The following TMEM273 variants were observed in gnomAD, a reference collection of about 807,000 sequenced individuals.
TMEM273 encodes the protein chromosome 10 open reading frame 128.
TMEM273 carries 19 observed loss-of-function variants against 17.9 expected under a neutral mutation model. The ratio of observed to expected loss-of-function variants is 1.06; its 90% CI spans 0.74 to 1.55. The LOEUF (loss-of-function observed/expected upper bound fraction) is 1.55. Ranked by LOEUF, TMEM273 falls within the 40% of genes most tolerant of loss-of-function variation. TMEM273 has a pLI of 0.00. For synonymous variants in TMEM273, 66 were observed against 62.0 expected, an observed-to-expected ratio of 1.07 and a Z score of -0.31; for missense variants, 194 against 155.6, an observed-to-expected ratio of 1.25 and a Z score of -1.31.
At chr10:49,164,595 T>C (rs1040828953) in intron 5 of TMEM273, among the ~76,000 whole-genome samples, 9 of 152,168 alleles carry the variant, frequency 5.9e-5, no homozygotes, top group Non-Finnish European at 1.3e-4. Context: ...AAACTACCTA[T>C]CTCTCCAGCG....
intron 1 of TMEM273, among the ~76,000 whole-genome samples, chr10:49,186,262 G>A (rs1035590020): frequency 2.6e-5 from 4 of 152,162 alleles, no homozygotes; most frequent in African/African-American, 9.7e-5. Flanking sequence ...ATTGGATATT[G>A]TTGGAAATAC....
At chr10:49,184,403 T>C (rs193262646) in intron 1 of TMEM273, among the ~76,000 whole-genome samples, 5 of 152,192 alleles carry the variant, frequency 3.3e-5, no homozygotes, top group South Asian at 2.1e-4. Flanking sequence ...TTGGAACACA[T>C]GAAACATACA....
At chr10:49,167,802 T>C in intron 2 of TMEM273, 107 bp downstream of exon 2, 1 of 1,443,898 alleles carries the variant, frequency 6.9e-7, no homozygotes, top group Non-Finnish European at 9.7e-7. Context: ...TTTCCTATGC[T>C]GACAGCAGGG....
chr10:49,186,167 C>G (rs768433004), intron 1 of TMEM273, among the ~76,000 whole-genome samples: 3 of 151,400 alleles, frequency 2.0e-5, no homozygotes, highest in African/African-American at 7.3e-5. Flanking sequence ...AATATTACTA[C>G]GGAACTCTAA....
chr10:49,171,204 C>T (rs908957935), intron 1 of TMEM273, among the ~76,000 whole-genome samples: 1 of 152,188 alleles, frequency 6.6e-6, no homozygotes, highest in Admixed American at 6.5e-5. Flanking sequence ...TTGCTGAGGC[C>T]ATAATAGGCA....
At position 49,168,599 on chromosome 10, in the gene TMEM273, G is replaced by A. The variant is rs1846345936; in HGVS notation, c.44-637C>T. 3.3e-5 allele frequency among the ~76,000 whole-genome samples: 5 copies of A among 151,532 alleles called. No individual in the cohort carries two copies. In the South Asian group the frequency reaches 1.0e-3, roughly 32 times the overall value. On this transcript the variant is annotated intron_variant, in intron 1 of 6. Coordinates refer to ENST00000374153, the MANE Select transcript of TMEM273 (RefSeq NM_001288740.3). ...CTCGCTCTGGGCTGCGTGGTATAGT[G>A]TCCAGCATTTGATGCAGTGCTTGGC...
chr10:49,155,701 G>A lies in TMEM273; in HGVS notation c.*191C>T. The A allele has an allele frequency of 4.1e-6, 3 of 730,042 alleles. No individual in the cohort carries two copies. The highest frequency in any genetic ancestry group is 6.7e-6 in the Non-Finnish European group (3 of 445,992). The allele number at this position is 730,042 out of a possible 1,614,324, so 45.2% of individuals were successfully genotyped here. On this transcript the variant is annotated 3_prime_UTR_variant, in exon 7 of 7. Transcript: ENST00000374153. Reference sequence around the variant, plus strand: ...TGTGCAGTCCGTTTCTTCCAGAAGAGGCATGATATTTTCCTTCAGGACAGA... The same window carrying A: ...TGTGCAGTCCGTTTCTTCCAGAAGAAGCATGATATTTTCCTTCAGGACAGA...
chr10:49,163,681 G>C (rs1002102191), intron 5 of TMEM273, among the ~76,000 whole-genome samples: 1 of 152,162 alleles, frequency 6.6e-6, no homozygotes, highest in African/African-American at 2.4e-5. Flanking sequence ...GGGGTGGGGG[G>C]ATGACATGGG....
At chr10:49,173,493 C>T (rs376447917) in intron 1 of TMEM273, among the ~76,000 whole-genome samples, 13 of 152,300 alleles carry the variant, frequency 8.5e-5, no homozygotes, top group East Asian at 1.9e-4. Context: ...GCTTTTCCCT[C>T]GTCCCTGTGG....
At position 49,155,829 on chromosome 10, in the gene TMEM273, GTT is replaced by G; in HGVS notation, c.*61_*62del. The G allele has an allele frequency of 6.2e-7, 1 of 1,613,594 alleles. No individual in the cohort carries two copies. On this transcript the variant is annotated 3_prime_UTR_variant, in exon 7 of 7. Transcript: ENST00000374153. ...GTTTGAATGCAGAACATCCTGAGATGTTAACCATGGGCTGTTTTCCACGGGGC... is the reference window on the plus strand; with the variant it reads ...GTTTGAATGCAGAACATCCTGAGATGAACCATGGGCTGTTTTCCACGGGGC...
At chr10:49,158,266 T>C (rs932335628) in intron 6 of TMEM273, among the ~76,000 whole-genome samples, 1 of 152,044 alleles carries the variant, frequency 6.6e-6, no homozygotes, top group Non-Finnish European at 1.5e-5. Flanking sequence ...TATGTAAATA[T>C]AATGCAACCC....
chr10:49,186,390 T>C (rs1031292033), intron 1 of TMEM273, among the ~76,000 whole-genome samples: 4 of 152,240 alleles, frequency 2.6e-5, no homozygotes, highest in Admixed American at 1.3e-4. Context: ...TTTTACCATA[T>C]TATTTCATCA....
Position 49,155,808 on chromosome 10 carries a change from G to C in TMEM273, c.*84C>G. The C allele has an allele frequency of 6.2e-7, 1 of 1,606,912 alleles. No homozygotes were observed. Among genetic ancestry groups the C allele is most frequent in the South Asian group, 1.1e-5 (1 of 90,302 alleles). On this transcript the variant is annotated 3_prime_UTR_variant, in exon 7 of 7. Transcript: ENST00000374153. ...AGTTCATTACCAGCCTTGGGTGTTTGAATGCAGAACATCCTGAGATGTTAA... is the reference window on the plus strand; with the variant it reads ...AGTTCATTACCAGCCTTGGGTGTTTCAATGCAGAACATCCTGAGATGTTAA...
chr10:49,170,551 T>C (rs1846496052), intron 1 of TMEM273, among the ~76,000 whole-genome samples: 1 of 152,210 alleles, frequency 6.6e-6, no homozygotes, highest in African/African-American at 2.4e-5. Context: ...TTTGGTGGTC[T>C]GACTTAGGGA....
At chr10:49,183,942 CAAA>C (rs11326591) in intron 1 of TMEM273, among the ~76,000 whole-genome samples, 12 of 149,000 alleles carry the variant, frequency 8.1e-5, no homozygotes, top group African/African-American at 2.2e-4. Flanking sequence ...TCAGCTATAG[CAAA>C]AAAAAAAAAC....
intron 1 of TMEM273, among the ~76,000 whole-genome samples, chr10:49,177,488 C>T (rs1847059783): frequency 2.0e-5 from 3 of 152,124 alleles, no homozygotes; most frequent in African/African-American, 2.4e-5. Context: ...TGTGTGTGTA[C>T]GTGGGGTCCT....
intron 1 of TMEM273, among the ~76,000 whole-genome samples, chr10:49,177,661 A>G (rs890779695): frequency 6.6e-6 from 1 of 152,196 alleles, no homozygotes; most frequent in Admixed American, 6.5e-5. Flanking sequence ...GTCATTACAA[A>G]CTGACCAAAG....
intron 1 of TMEM273, among the ~76,000 whole-genome samples, chr10:49,180,746 T>A (rs960966232): frequency 1.3e-5 from 2 of 152,208 alleles, no homozygotes; most frequent in South Asian, 4.1e-4. Context: ...ACTGCTTCCA[T>A]GAACAATTGT....
chr10:49,170,788 G>A (rs1029613157), intron 1 of TMEM273, among the ~76,000 whole-genome samples: 12 of 152,200 alleles, frequency 7.9e-5, no homozygotes, highest in African/African-American at 2.4e-4. Flanking sequence ...ACACTCATGA[G>A]CCCTTGGGTG....
Sources: allele counts gnomAD v4.1 joint callset (sites outside exome capture counted in the v4.1 genomes callset), GRCh38; gene constraint gnomAD v4.1.1; transcripts MANE v1.5; gene names NCBI Gene and HGNC (gene_info 2026-07-23, HGNC 2026-07-21).